Variants in COL4A5 observed in about 807,000 individuals in gnomAD.
COL4A5 encodes collagen alpha-5(IV) chain.
COL4A5 carries 26 observed loss-of-function variants against 130.2 expected under a neutral mutation model. The observed-to-expected ratio is 0.20, with a 90% CI of 0.15 to 0.28. The LOEUF is 0.28. Among genes scored for constraint, COL4A5 ranks in the 10% least tolerant of loss-of-function variants. The pLI, the probability that COL4A5 is intolerant of heterozygous loss-of-function variation, is 1.00. For missense variants in COL4A5, 1,131 were observed against 1,344.3 expected, an observed-to-expected ratio of 0.84 and a Z score of 2.48; for synonymous variants, 496 against 439.6, an observed-to-expected ratio of 1.13 and a Z score of -1.60.
chrX:108,635,638 G>T (rs2067338389), intron 36 of COL4A5, among the ~76,000 whole-genome samples: 1 of 111,696 alleles, frequency 9.0e-6, no homozygotes, highest in African/African-American at 3.2e-5. Flanking sequence ...AACAGATTTG[G>T]AGGACTCACT....
intron 1 of COL4A5, among the ~76,000 whole-genome samples, chrX:108,505,041 C>T (rs761942916): frequency 8.9e-6 from 1 of 111,955 alleles, no homozygotes; most frequent in Admixed American, 9.5e-5. Context: ...TCATGGAATG[C>T]TACTCAACCA....
intron 15 of COL4A5, 108 bp downstream of exon 15, chrX:108,580,846 G>C: frequency 1.0e-6 from 1 of 952,700 alleles, no homozygotes; most frequent in Non-Finnish European, 1.5e-6. Context: ...TATCACTACT[G>C]ACATTATAAT....
At chrX:108,626,455 G>A (rs776627511) in intron 36 of COL4A5, 106 bp downstream of exon 36, 1 of 1,169,154 alleles carries the variant, frequency 8.6e-7, no homozygotes, top group African/African-American at 1.8e-5. Flanking sequence ...GAATGACATA[G>A]TATATTCTGG....
intron 1 of COL4A5, among the ~76,000 whole-genome samples, chrX:108,534,773 A>G (rs946766149): frequency 9.0e-6 from 1 of 111,284 alleles, no homozygotes; most frequent in African/African-American, 3.3e-5. Context: ...CTTTTATGTT[A>G]TGCAGTTATG....
chrX:108,485,501 A>G (rs1032568012), intron 1 of COL4A5, among the ~76,000 whole-genome samples: 1 of 110,900 alleles, frequency 9.0e-6, no homozygotes, highest in Non-Finnish European at 1.9e-5. Flanking sequence ...ATTTAGGGCT[A>G]CTGGTTATTT....
intron 27 of COL4A5, 54 bp from the exon 28 acceptor site, chrX:108,602,900 ATTTGAATATC>A: frequency 1.2e-6 from 1 of 810,966 alleles, no homozygotes; most frequent in Non-Finnish European, 1.8e-6. Flanking sequence ...GGGTTTGGGA[ATTTGAATATC>A]TTTCTTAAAG....
intron 1 of COL4A5, among the ~76,000 whole-genome samples, chrX:108,469,901 C>T (rs2064747157): frequency 9.0e-6 from 1 of 111,595 alleles, no homozygotes; most frequent in Admixed American, 9.6e-5. Flanking sequence ...TTTTCTCTTC[C>T]TGCATTATTT....
chrX:108,560,290 G>C (rs775548185), intron 3 of COL4A5, among the ~76,000 whole-genome samples: 1 of 112,052 alleles, frequency 8.9e-6, no homozygotes, highest in African/African-American at 3.2e-5. Flanking sequence ...ATGATGGATT[G>C]TTCTACTTTG....
chrX:108,628,549 G>A (rs1057449550), intron 36 of COL4A5, among the ~76,000 whole-genome samples: 14 of 111,189 alleles, frequency 1.3e-4, no homozygotes, highest in African/African-American at 3.6e-4. Flanking sequence ...TAACTCTTTC[G>A]TAAATTGTCT....
In COL4A5 at chrX:108,440,102, A is replaced by G. The variant is rs755229029; in HGVS notation, c.-24A>G. 8 of 1,177,185 alleles carry G rather than the reference A, an allele frequency of 6.8e-6. No individual in the cohort carries two copies. Among genetic ancestry groups the G allele is most frequent in the Non-Finnish European group, 8.1e-6 (7 of 867,982 alleles). The stretch of plus-strand genomic sequence containing the variant: ...GCCGGGAATTTCGTGCGGGTGCTGA[A>G]GGAGCTGCGGGAGCCGGAGAAGAAT... On this transcript the variant is annotated 5_prime_UTR_variant, in exon 1 of 53. Transcript: ENST00000328300.
intron 1 of COL4A5, chrX:108,442,816 GA>G (rs1363864322): frequency 9.0e-6 from 1 of 111,356 alleles, no homozygotes; most frequent in Non-Finnish European, 1.9e-5. Context: ...GTGCTAATAT[GA>G]TAATACATAT....
chrX:108,564,369 G>C (rs1259278896), intron 4 of COL4A5, among the ~76,000 whole-genome samples: 1 of 111,531 alleles, frequency 9.0e-6, no homozygotes, highest in African/African-American at 3.3e-5. Context: ...ATCTAGAAGA[G>C]AATAAGTTTA....
intron 1 of COL4A5, among the ~76,000 whole-genome samples, chrX:108,526,079 G>A (rs1356742426): frequency 9.0e-6 from 1 of 111,358 alleles, no homozygotes; most frequent in Non-Finnish European, 1.9e-5. Flanking sequence ...GACACACACG[G>A]TAGGGGAAGA....
At chrX:108,580,343 G>A (rs1389461388) in intron 13 of COL4A5, among the ~76,000 whole-genome samples, 190 bp from the exon 14 acceptor site, 1 of 111,860 alleles carries the variant, frequency 8.9e-6, no homozygotes, top group Non-Finnish European at 1.9e-5. Context: ...GTGAGAACAT[G>A]TGGTATTTGA....
chrX:108,502,880 C>A (rs2065094682), intron 1 of COL4A5, among the ~76,000 whole-genome samples: 1 of 111,417 alleles, frequency 9.0e-6, no homozygotes, highest in South Asian at 3.8e-4. Flanking sequence ...AATTCGCGTT[C>A]CTAGGTATTA....
intron 36 of COL4A5, among the ~76,000 whole-genome samples, chrX:108,652,450 A>G (rs1250015943): frequency 3.6e-5 from 4 of 112,658 alleles, no homozygotes; most frequent in African/African-American, 1.3e-4. Context: ...ATAAAGCAAG[A>G]TATGATGTTT....
intron 29 of COL4A5, among the ~76,000 whole-genome samples, chrX:108,614,618 A>C (rs1180834579): frequency 8.9e-6 from 1 of 112,195 alleles, no homozygotes; most frequent in Non-Finnish European, 1.9e-5. Context: ...TTTTAAACTT[A>C]TGAATATATA....
chrX:108,440,623 T>A (rs1466107564), intron 1 of COL4A5: 3 of 144,663 alleles, frequency 2.1e-5, no homozygotes, highest in African/African-American at 9.5e-5. Context: ...TAGTTTAATA[T>A]TTTGGCTCTT....
intron 36 of COL4A5, chrX:108,627,454 A>G (rs1340182938): frequency 2.3e-5 from 17 of 745,342 alleles, no homozygotes; most frequent in Non-Finnish European, 2.7e-5. Flanking sequence ...TATGCATGCT[A>G]CTCTGTACCT....
Sources: allele counts gnomAD v4.1 joint callset (sites outside exome capture counted in the v4.1 genomes callset), GRCh38; gene constraint gnomAD v4.1.1; transcripts MANE v1.5; gene names NCBI Gene and HGNC (gene_info 2026-07-23, HGNC 2026-07-21).